Variants in PAM observed in about 807,000 individuals in gnomAD.
PAM encodes the protein peptidyl-glycine alpha-amidating monooxygenase.
In PAM, 72 loss-of-function variants were observed where a neutral mutation model predicts 122.1. That is an observed-to-expected ratio of 0.59 (90% CI 0.49 to 0.72). PAM has a LOEUF of 0.72. Ranked by LOEUF, PAM falls within the 30% of genes least tolerant of loss-of-function variation. The pLI is 0.00. For missense variants in PAM, 1,106 were observed against 1,183.7 expected (o/e 0.93, Z 0.96); for synonymous variants, 389 against 404.4 (o/e 0.96, Z 0.46).
At chr5:102,996,700 T>C (rs1775803285) in intron 16 of PAM, among the ~76,000 whole-genome samples, 1 of 152,206 alleles carries the variant, frequency 6.6e-6, no homozygotes, top group African/African-American at 2.4e-5. Flanking sequence ...TGTCCCTTGA[T>C]GCTGCCAGTT....
At chr5:102,865,001 C>T (rs568103299) in intron 1 of PAM, among the ~76,000 whole-genome samples, 7 of 152,286 alleles carry the variant, frequency 4.6e-5, no homozygotes, top group Admixed American at 2.6e-4. Flanking sequence ...ATGTGACGTT[C>T]TTGATCATAA....
At chr5:102,822,936 C>G (rs1322342314) in intron 1 of PAM, among the ~76,000 whole-genome samples, 1 of 152,168 alleles carries the variant, frequency 6.6e-6, no homozygotes, top group Non-Finnish European at 1.5e-5. Context: ...GTCCATGGCC[C>G]TCCCCCACCC....
At chr5:102,822,652 G>T (rs1212594161) in intron 1 of PAM, among the ~76,000 whole-genome samples, 1 of 152,070 alleles carries the variant, frequency 6.6e-6, no homozygotes, top group East Asian at 1.9e-4. Flanking sequence ...AACAGACCCA[G>T]TTCCCAGAAC....
intron 1 of PAM, among the ~76,000 whole-genome samples, chr5:102,769,320 A>T (rs1470366898): frequency 1.3e-5 from 2 of 151,692 alleles, no homozygotes; most frequent in Admixed American, 1.3e-4. Context: ...CACTTTGTTG[A>T]TTGTTTCCTT....
intron 1 of PAM, among the ~76,000 whole-genome samples, chr5:102,814,329 G>A (rs1768926515): frequency 6.6e-6 from 1 of 152,040 alleles, no homozygotes; most frequent in East Asian, 1.9e-4. Flanking sequence ...CAAGAGTCAG[G>A]TGGCATTGTT....
intron 1 of PAM, among the ~76,000 whole-genome samples, chr5:102,784,403 G>GCAC (rs1237529959): frequency 6.6e-6 from 1 of 152,086 alleles, no homozygotes; most frequent in Non-Finnish European, 1.5e-5. Context: ...GGTTTCCTTG[G>GCAC]CACCGTAAGC....
intron 15 of PAM, among the ~76,000 whole-genome samples, chr5:102,982,172 G>A (rs1014123116): frequency 1.3e-5 from 2 of 152,062 alleles, no homozygotes; most frequent in Non-Finnish European, 2.9e-5. Flanking sequence ...TCCTCCCAGG[G>A]GTCTAAGGAT....
At chr5:102,864,507 T>A (rs1368550542) in intron 1 of PAM, 2 of 152,208 alleles carry the variant, frequency 1.3e-5, no homozygotes. Flanking sequence ...TCAGGTTTTA[T>A]TTATATTTGG....
At chr5:102,967,016 C>T (rs1303050111) in intron 14 of PAM, among the ~76,000 whole-genome samples, 1 of 151,740 alleles carries the variant, frequency 6.6e-6, no homozygotes, top group Non-Finnish European at 1.5e-5. Flanking sequence ...ATCCAGTAAT[C>T]TTAAAGCATT....
chr5:102,778,243 G>T (rs1757707979), intron 1 of PAM, among the ~76,000 whole-genome samples: 1 of 152,092 alleles, frequency 6.6e-6, no homozygotes, highest in Non-Finnish European at 1.5e-5. Context: ...CATGGTCCTT[G>T]ATTTTGCCCT....
In PAM at chr5:103,029,338, A is replaced by G. The variant is rs1323201424; in HGVS notation, c.*273A>G. ...CATAATTCTAATCTAACAATGGAAGATTTGCCCATTTACACTTTTGAGACT... is the reference window on the plus strand; with the variant it reads ...CATAATTCTAATCTAACAATGGAAGGTTTGCCCATTTACACTTTTGAGACT... On this transcript the variant is annotated 3_prime_UTR_variant, in exon 26 of 26. Transcript: ENST00000438793. 3 of 289,350 alleles carry G rather than the reference A, an allele frequency of 1.0e-5. No individual in the cohort carries two copies. In the East Asian group the frequency reaches 1.8e-4, roughly 17 times the overall value. The allele number at this position is 289,350 out of a possible 1,614,324, so 17.9% of individuals were successfully genotyped here. A position where few individuals can be genotyped will look rare whatever the true frequency, so the allele number is the denominator to read the frequency against.
intron 24 of PAM, among the ~76,000 whole-genome samples, chr5:103,026,534 T>A (rs2151383216): frequency 6.6e-6 from 1 of 152,328 alleles, no homozygotes; most frequent in South Asian, 2.1e-4. Flanking sequence ...ATTAAGTCCA[T>A]GTTACAGATC....
intron 4 of PAM, among the ~76,000 whole-genome samples, chr5:102,905,908 T>G (rs1004689582): frequency 6.6e-6 from 1 of 151,658 alleles, no homozygotes; most frequent in Non-Finnish European, 1.5e-5. Flanking sequence ...AGTTTCTTAG[T>G]GAAAGCTACT....
At chr5:102,978,880 A>G (rs1297580300) in intron 15 of PAM, among the ~76,000 whole-genome samples, 2 of 151,940 alleles carry the variant, frequency 1.3e-5, no homozygotes, top group Non-Finnish European at 2.9e-5. Flanking sequence ...AGCCAAGCTT[A>G]GTGTTTTAGA....
intron 3 of PAM, among the ~76,000 whole-genome samples, chr5:102,868,766 G>A (rs1425287675): frequency 6.6e-6 from 1 of 151,852 alleles, no homozygotes; most frequent in Non-Finnish European, 1.5e-5. Context: ...TCTTTTGTTT[G>A]GTTCATTATT....
intron 1 of PAM, among the ~76,000 whole-genome samples, chr5:102,799,084 T>C (rs1764063572): frequency 6.6e-6 from 1 of 152,208 alleles, no homozygotes; most frequent in African/African-American, 2.4e-5. Flanking sequence ...AACCATCAAC[T>C]GAAGAATAGG....
chr5:102,786,374 G>T (rs1055845758), intron 1 of PAM, among the ~76,000 whole-genome samples: 5 of 152,150 alleles, frequency 3.3e-5, no homozygotes, highest in African/African-American at 1.2e-4. Context: ...ACCTGTAAAA[G>T]TACTTTGAAT....
intron 14 of PAM, among the ~76,000 whole-genome samples, chr5:102,966,990 A>T (rs1764272247): frequency 7.3e-6 from 1 of 137,808 alleles, no homozygotes; most frequent in Non-Finnish European, 1.6e-5. Context: ...AAAAAATTAG[A>T]TACTTTTTTT....
chr5:102,848,735 CT>C (rs1184829109), intron 1 of PAM, among the ~76,000 whole-genome samples: 1 of 152,052 alleles, frequency 6.6e-6, no homozygotes, highest in Admixed American at 6.6e-5. Context: ...GAGGAAATCC[CT>C]CACAAAGAAG....
Sources: allele counts gnomAD v4.1 joint callset (sites outside exome capture counted in the v4.1 genomes callset), GRCh38; gene constraint gnomAD v4.1.1; transcripts MANE v1.5; gene names NCBI Gene and HGNC (gene_info 2026-07-23, HGNC 2026-07-21).